Variants in TTC17 observed in about 807,000 individuals in gnomAD.
TTC17 encodes tetratricopeptide repeat domain 17.
TTC17 carries 58 observed loss-of-function variants against 143.8 expected under a neutral mutation model. That is an observed-to-expected ratio of 0.40 (90% CI 0.33 to 0.50). The LOEUF (loss-of-function observed/expected upper bound fraction) is 0.50, where lower values mean the gene tolerates loss of function less well. TTC17 is among the 20% of genes least tolerant of loss of function. The probability of loss-of-function intolerance (pLI) is 0.49; values close to 1 mark genes in which losing one functional copy is unlikely to be tolerated. For synonymous variants in TTC17, 501 were observed against 497.8 expected (o/e 1.01, Z -0.09); for missense variants, 1,273 against 1,392.5 (o/e 0.91, Z 1.37).
intron 5 of TTC17, among the ~76,000 whole-genome samples, chr11:43,395,883 C>T (rs1857570072): frequency 6.6e-6 from 1 of 152,014 alleles, no homozygotes; most frequent in South Asian, 2.1e-4. Flanking sequence ...GATTTTTACA[C>T]AGCTTTATAG....
chr11:43,388,414 TGTA>T lies in TTC17; in HGVS notation c.250-1234_250-1232del, dbSNP rs529042925. ...TAATATTTTAGGAGAGTAAGAGTAA[TGTA>T]GTATTTTATACAAATATTTATAAAA... On this transcript the variant is annotated intron_variant, in intron 2 of 23. Coordinates refer to ENST00000039989, the MANE Select transcript of TTC17 (RefSeq NM_018259.6). Among the ~76,000 whole-genome samples, 277 of 152,178 alleles carry T rather than the reference TGTA, an allele frequency of 1.8e-3. 1 individual carries two copies. Among genetic ancestry groups the T allele is most frequent in the Non-Finnish European group, 2.3e-3 (154 of 68,014 alleles).
At position 43,414,696 on chromosome 11, in the gene TTC17, A is replaced by G; in HGVS notation, c.2171A>G (p.Glu724Gly). The change falls in exon 16 of 24, where the codon GAG (glutamate) becomes GGG (glycine). Residue 724 changes from glutamate to glycine, a missense_variant. Glu to Gly is a moderately conservative substitution (Grantham distance 98). Transcript: ENST00000039989. ...TTGAAATTAACCACCAAATGTCCAG[A>G]GTGTGAAAACAGCCTGAAGTTGATC... Reference protein sequence around the residue: ...QALKLTTKCPECENSLKLIRC... With the variant: ...QALKLTTKCPGCENSLKLIRC... 6.2e-7 allele frequency: 1 copy of G among 1,613,820 alleles called. No homozygotes were observed. Among genetic ancestry groups the G allele is most frequent in the Non-Finnish European group, 8.5e-7 (1 of 1,179,792 alleles).
intron 18 of TTC17, among the ~76,000 whole-genome samples, chr11:43,444,693 C>G (rs750211049): frequency 6.7e-6 from 1 of 149,988 alleles, no homozygotes; most frequent in Non-Finnish European, 1.5e-5. Context: ...AAAATACGTG[C>G]AGCGTACATA....
chr11:43,460,299 T>G (rs1947841393), intron 21 of TTC17, among the ~76,000 whole-genome samples: 1 of 152,182 alleles, frequency 6.6e-6, no homozygotes, highest in South Asian at 2.1e-4. Context: ...CTTATCACTT[T>G]CAGCATTTTT....
At chr11:43,438,968 A>C (rs1221169712) in intron 16 of TTC17, among the ~76,000 whole-genome samples, 2 of 152,172 alleles carry the variant, frequency 1.3e-5, no homozygotes, top group Non-Finnish European at 1.5e-5. Flanking sequence ...AGTCTTTCCT[A>C]ATATTGAGCC....
intron 16 of TTC17, among the ~76,000 whole-genome samples, chr11:43,424,291 G>A (rs984711673): frequency 2.6e-5 from 4 of 151,134 alleles, no homozygotes; most frequent in South Asian, 2.1e-4. Flanking sequence ...ACGGGGTTTC[G>A]CCATGATGGC....
At chr11:43,491,987 T>G in intron 22 of TTC17, 33 bp from the exon 23 acceptor site, 1 of 1,608,358 alleles carries the variant, frequency 6.2e-7, no homozygotes, top group Non-Finnish European at 8.5e-7. Context: ...AAAACCCAAT[T>G]TTCCCTTCTC....
chr11:43,493,896 T>C lies in TTC17; in HGVS notation c.3418T>C (p.Ser1140Pro). Residue 1140 changes from serine (S) to proline (P), a missense_variant, in exon 24 of 24, where the codon TCT becomes CCT. Ser to Pro is a moderately conservative substitution (Grantham distance 74). Around this residue, in one of 3 missense-constraint regions of TTC17, gnomAD observed 878 missense variants for 899.8 expected, o/e 0.98. Coordinates refer to ENST00000039989, the MANE Select transcript of TTC17 (RefSeq NM_018259.6). ...CTTAATGCTGAAGAAGGGACGGCGC[T>C]CTCCTTAGTGCACTTCTTCCTTCTC... ...CHLMLKKGRR[S>P]P is the part of the protein sequence containing the mutation. 6.2e-7 allele frequency: 1 copy of C among 1,609,288 alleles called. No individual in the cohort carries two copies. The highest frequency in any genetic ancestry group is 8.5e-7 in the Non-Finnish European group (1 of 1,176,584).
intron 2 of TTC17, among the ~76,000 whole-genome samples, chr11:43,385,864 C>A (rs1201954991): frequency 6.6e-6 from 1 of 150,638 alleles, no homozygotes; most frequent in African/African-American, 2.4e-5. Flanking sequence ...CTCAAGAAAA[C>A]AGTATTGTTT....
In TTC17 at chr11:43,453,392, A is replaced by G. The variant is rs372402695; in HGVS notation, c.3030+2127A>G. 5.3e-5 allele frequency among the ~76,000 whole-genome samples: 8 copies of G among 152,268 alleles called. No homozygotes were observed. In the East Asian group the frequency reaches 7.7e-4, roughly 15 times the overall value. ...TCTTGGAAGAAAAAAAAAAGAGAGA[A>G]AGAAAGAAAATATAATCAGATTTTT... On this transcript the variant is annotated intron_variant, in intron 21 of 23. Coordinates refer to ENST00000039989, the MANE Select transcript of TTC17 (RefSeq NM_018259.6).
At chr11:43,463,063 G>A (rs1947901835) in intron 21 of TTC17, among the ~76,000 whole-genome samples, 1 of 151,840 alleles carries the variant, frequency 6.6e-6, no homozygotes, top group South Asian at 2.1e-4. Context: ...CTACAGGCGT[G>A]CGCCACCACA....
chr11:43,430,643 G>T (rs565842740), intron 16 of TTC17, among the ~76,000 whole-genome samples: 18 of 148,284 alleles, frequency 1.2e-4, no homozygotes, highest in East Asian at 8.1e-4. Flanking sequence ...TGAATTAATC[G>T]CTGCTTTCTT....
chr11:43,468,899 TA>T (rs1269676598), intron 21 of TTC17, among the ~76,000 whole-genome samples: 2 of 151,226 alleles, frequency 1.3e-5, no homozygotes, highest in South Asian at 2.1e-4. Context: ...CACTCCAGCT[TA>T]AAAAAAAATA....
intron 1 of TTC17, among the ~76,000 whole-genome samples, chr11:43,377,370 G>T (rs1404144594): frequency 1.3e-5 from 2 of 152,110 alleles, no homozygotes; most frequent in Admixed American, 1.3e-4. Context: ...ATGTTATTTG[G>T]CATATAACTG....
intron 21 of TTC17, among the ~76,000 whole-genome samples, chr11:43,459,725 A>G (rs1004187763): frequency 6.6e-6 from 1 of 152,196 alleles, no homozygotes; most frequent in East Asian, 1.9e-4. Flanking sequence ...TTACTTTAGG[A>G]TGGTATGAAA....
chr11:43,476,509 ATCT>A (rs1948186669), intron 21 of TTC17, among the ~76,000 whole-genome samples: 1 of 152,246 alleles, frequency 6.6e-6, no homozygotes, highest in Non-Finnish European at 1.5e-5. Context: ...CTTTCCGTAC[ATCT>A]TCTGAAATCT....
At chr11:43,401,657 C>T (rs1014953788) in intron 10 of TTC17, 99 bp downstream of exon 10, 2 of 821,150 alleles carry the variant, frequency 2.4e-6, no homozygotes, top group African/African-American at 1.7e-5. Context: ...TATTTGATCC[C>T]TAAAATTTGT....
At chr11:43,381,099 G>A (rs1037172910) in intron 2 of TTC17, among the ~76,000 whole-genome samples, 9 of 152,108 alleles carry the variant, frequency 5.9e-5, no homozygotes, top group South Asian at 2.1e-4. Context: ...CATTTATTAA[G>A]TCAGTGAAAA....
chr11:43,377,043 C>G (rs967697532), intron 1 of TTC17, among the ~76,000 whole-genome samples: 1 of 152,064 alleles, frequency 6.6e-6, no homozygotes. Flanking sequence ...GCCTGTAATC[C>G]CAGCACTTTG....
Sources: allele counts gnomAD v4.1 joint callset (sites outside exome capture counted in the v4.1 genomes callset), GRCh38; gene constraint gnomAD v4.1.1; regional missense constraint gnomAD v4.1.1; transcripts MANE v1.5; gene names NCBI Gene and HGNC (gene_info 2026-07-23, HGNC 2026-07-21).